Variants in CSMD1 observed in about 807,000 individuals in gnomAD.
CSMD1 encodes CUB and sushi domain-containing protein 1.
A neutral mutation model predicts 417.5 loss-of-function variants in CSMD1; 213 were observed. That is an observed-to-expected ratio of 0.51 (90% CI 0.46 to 0.57). The LOEUF is 0.57. Ranked by LOEUF, CSMD1 falls within the 20% of genes least tolerant of loss-of-function variation. The pLI, the probability that CSMD1 is intolerant of heterozygous loss-of-function variation, is 0.00. For missense variants in CSMD1, 6,923 were observed against 4,529.7 expected (o/e 1.53, Z -15.17); for synonymous variants, 2,862 against 1,736.8 (o/e 1.65, Z -16.11).
intron 3 of CSMD1, among the ~76,000 whole-genome samples, chr8:4,264,056 C>A (rs148042069): frequency 6.6e-6 from 1 of 152,112 alleles, no homozygotes; most frequent in South Asian, 2.1e-4. Flanking sequence ...TTGTTAACTA[C>A]CTGAGCCTCA....
intron 3 of CSMD1, among the ~76,000 whole-genome samples, chr8:4,271,837 C>G (rs1053274705): frequency 6.6e-6 from 1 of 152,132 alleles, no homozygotes; most frequent in African/African-American, 2.4e-5. Context: ...GTCCTGGCAG[C>G]GCTATTTGAA....
At chr8:3,564,911 T>C (rs1258756963) in intron 10 of CSMD1, among the ~76,000 whole-genome samples, 4 of 151,088 alleles carry the variant, frequency 2.6e-5, no homozygotes, top group African/African-American at 9.7e-5. Flanking sequence ...CAGAGACAAA[T>C]ATGTTGGAGA....
chr8:3,217,264 A>G (rs1396309992), intron 29 of CSMD1, among the ~76,000 whole-genome samples: 1 of 152,102 alleles, frequency 6.6e-6, no homozygotes, highest in Non-Finnish European at 1.5e-5. Flanking sequence ...TGTGATTTTT[A>G]TTTTTCACAG....
chr8:4,604,358 G>A (rs2130773167), intron 2 of CSMD1, among the ~76,000 whole-genome samples: 1 of 146,110 alleles, frequency 6.8e-6, no homozygotes, highest in East Asian at 2.0e-4. Flanking sequence ...TATTATTCTA[G>A]TCTTTACTCT....
At chr8:3,306,145 TTTG>T (rs1185744745) in intron 25 of CSMD1, among the ~76,000 whole-genome samples, 1 of 152,090 alleles carries the variant, frequency 6.6e-6, no homozygotes, top group Non-Finnish European at 1.5e-5. Flanking sequence ...CCATTTTATT[TTTG>T]TTAAGTTATA....
At chr8:3,270,914 T>A (rs13248888) in intron 26 of CSMD1, among the ~76,000 whole-genome samples, 47 of 86,190 alleles carry the variant, frequency 5.5e-4, no homozygotes, top group South Asian at 1.5e-3. Context: ...TTTTTTTCTT[T>A]TTTTTTTTAA....
intron 11 of CSMD1, among the ~76,000 whole-genome samples, chr8:3,483,282 C>A (rs953497324): frequency 5.3e-5 from 8 of 151,646 alleles, no homozygotes; most frequent in African/African-American, 1.9e-4. Flanking sequence ...ATTACAAATA[C>A]CAGAAATAAA....
intron 25 of CSMD1, among the ~76,000 whole-genome samples, chr8:3,304,311 G>C (rs1003906756): frequency 3.9e-5 from 6 of 152,018 alleles, no homozygotes; most frequent in Non-Finnish European, 5.9e-5. Context: ...AAATAAATAA[G>C]ACTTAGTAAC....
chr8:3,841,106 T>G (rs1803105093), intron 5 of CSMD1, among the ~76,000 whole-genome samples: 1 of 152,102 alleles, frequency 6.6e-6, no homozygotes, highest in South Asian at 2.1e-4. Context: ...AATAGAACTT[T>G]TCCAGGAAGC....
chr8:4,362,503 T>A (rs1296185264), intron 3 of CSMD1, among the ~76,000 whole-genome samples: 2 of 152,214 alleles, frequency 1.3e-5, no homozygotes, highest in Non-Finnish European at 1.5e-5. Context: ...TCCTCATTTG[T>A]CTGCTTAATT....
intron 2 of CSMD1, among the ~76,000 whole-genome samples, chr8:4,436,713 A>G (rs6986971): frequency 0.33 from 50,323 of 151,864 alleles, 9,544 homozygotes; most frequent in Middle Eastern, 0.48. Context: ...CCTACTCCCT[A>G]TGTCCATGAG....
At chr8:4,022,182 G>GTATATATATATATTAATATATA (rs766026029) in intron 4 of CSMD1, among the ~76,000 whole-genome samples, 1 of 57,756 alleles carries the variant, frequency 1.7e-5, no homozygotes, top group Admixed American at 2.2e-4. Flanking sequence ...GTATATTTAT[G>GTATATATATATATTAATATATA]TGTATATATA....
intron 1 of CSMD1, among the ~76,000 whole-genome samples, chr8:4,866,698 A>G (rs753033763): frequency 1.3e-5 from 2 of 152,024 alleles, no homozygotes; most frequent in Non-Finnish European, 2.9e-5. Context: ...ATAAAAAATA[A>G]GATACTAATT....
chr8:3,354,201 G>C (rs1808592663), intron 21 of CSMD1, among the ~76,000 whole-genome samples: 2 of 152,180 alleles, frequency 1.3e-5, no homozygotes, highest in South Asian at 4.2e-4. Context: ...AGTTAAATTG[G>C]ATTCAAATTC....
intron 3 of CSMD1, among the ~76,000 whole-genome samples, chr8:4,149,478 G>A (rs543240148): frequency 3.3e-5 from 5 of 152,210 alleles, no homozygotes; most frequent in South Asian, 2.1e-4. Context: ...TATATTTGAA[G>A]GATTACTCTA....
At chr8:2,978,888 T>A (rs983406384) in intron 54 of CSMD1, 88 bp from the exon 55 acceptor site, 2 of 1,151,746 alleles carry the variant, frequency 1.7e-6, no homozygotes, top group African/African-American at 1.6e-5. Context: ...TTCCTCATCA[T>A]TTTAGAAAGT....
chr8:3,414,004 T>C (rs1052705472), intron 12 of CSMD1, among the ~76,000 whole-genome samples: 3 of 151,410 alleles, frequency 2.0e-5, no homozygotes, highest in Non-Finnish European at 2.9e-5. Context: ...CCGGGAATGG[T>C]GGTGCACGCC....
chr8:4,486,261 A>G (rs1228419418), intron 2 of CSMD1, among the ~76,000 whole-genome samples: 3 of 137,326 alleles, frequency 2.2e-5, no homozygotes, highest in Non-Finnish European at 3.0e-5. Context: ...ATATATATAT[A>G]TATATATATA....
At chr8:3,306,390 T>C (rs547146522) in intron 25 of CSMD1, among the ~76,000 whole-genome samples, 1 of 152,318 alleles carries the variant, frequency 6.6e-6, no homozygotes, top group African/African-American at 2.4e-5. Context: ...GCCAGGCTGA[T>C]CTCGAACTAC....
Sources: allele counts gnomAD v4.1 joint callset (sites outside exome capture counted in the v4.1 genomes callset), GRCh38; gene constraint gnomAD v4.1.1; transcripts MANE v1.5; gene names NCBI Gene and HGNC (gene_info 2026-07-23, HGNC 2026-07-21).